Variants in TMEM154 observed in about 807,000 individuals in gnomAD.
TMEM154 encodes transmembrane protein 154.
A neutral mutation model predicts 24.5 loss-of-function variants in TMEM154; 27 were observed. The ratio of observed to expected loss-of-function variants is 1.10; its 90% CI spans 0.81 to 1.52. TMEM154 has a LOEUF of 1.52. Among genes scored for constraint, TMEM154 ranks in the 40% most tolerant of loss-of-function variants. The pLI, the probability that TMEM154 is intolerant of heterozygous loss-of-function variation, is 0.00. For missense variants in TMEM154, 228 were observed against 213.4 expected (o/e 1.07, Z -0.43); for synonymous variants, 67 against 76.8 (o/e 0.87, Z 0.67).
intron 4 of TMEM154, 44 bp from the exon 5 acceptor site, chr4:152,643,217 G>A (rs1433376064): frequency 5.1e-6 from 7 of 1,383,396 alleles, no homozygotes; most frequent in Middle Eastern, 1.8e-4. Context: ...AAATGTGAAA[G>A]ATGCCTAATT....
In TMEM154 at chr4:152,643,814, A is replaced by G. The variant is rs193017054; in HGVS notation, c.392+601T>C. 2.8e-3 allele frequency among the ~76,000 whole-genome samples: 433 copies of G among 152,276 alleles called. 2 individuals are homozygous for G. Among genetic ancestry groups the G allele is most frequent in the African/African-American group, 0.01 (417 of 41,558 alleles). ...CGGTACACTGCGTAGAGGAAGCGAT[A>G]AAGTTTCTAAACCAGGAGGCTGCTT... On this transcript the variant is annotated intron_variant, in intron 4 of 6. Transcript: ENST00000304385.
At chr4:152,635,205 C>T (rs547948297) in intron 6 of TMEM154, among the ~76,000 whole-genome samples, 134 of 152,338 alleles carry the variant, frequency 8.8e-4, no homozygotes, top group Non-Finnish European at 1.7e-3. Flanking sequence ...GTGACAGACA[C>T]ACCATTCACC....
At chr4:152,661,284 T>TTCTCTCTCTTTCTCTC (rs1728596462) in intron 1 of TMEM154, among the ~76,000 whole-genome samples, 1 of 63,410 alleles carries the variant, frequency 1.6e-5, no homozygotes, top group African/African-American at 6.0e-5. Flanking sequence ...ATTGTTCTCT[T>TTCTCTCTCTTTCTCTC]TCTCTCTCTC....
chr4:152,645,546 T>C (rs1752345338), intron 3 of TMEM154, among the ~76,000 whole-genome samples: 1 of 152,192 alleles, frequency 6.6e-6, no homozygotes. Flanking sequence ...GTGGATAGCA[T>C]AGGCCTGCTG....
At chr4:152,635,866 TTCTTTCCCTAA>T (rs889170413) in intron 6 of TMEM154, among the ~76,000 whole-genome samples, 7 of 152,232 alleles carry the variant, frequency 4.6e-5, no homozygotes, top group Non-Finnish European at 7.3e-5. Context: ...CCACATCTAA[TTCTTTCCCTAA>T]TCTTTCCCTA....
At chr4:152,677,136 T>C (rs2068185) in intron 1 of TMEM154, among the ~76,000 whole-genome samples, 16,547 of 152,206 alleles carry the variant, frequency 0.11, 1,200 homozygotes, top group African/African-American at 0.2. Context: ...CCTTTAACTA[T>C]GCTCACCCAT....
chr4:152,636,822 TG>T (rs1436826342), intron 6 of TMEM154, among the ~76,000 whole-genome samples: 4 of 152,218 alleles, frequency 2.6e-5, no homozygotes, highest in Non-Finnish European at 5.9e-5. Flanking sequence ...TCAAGGAAAG[TG>T]GAACCCTGTA....
intron 6 of TMEM154, among the ~76,000 whole-genome samples, chr4:152,632,389 G>C (rs1241981950): frequency 6.6e-6 from 1 of 152,150 alleles, no homozygotes; most frequent in Admixed American, 6.5e-5. Flanking sequence ...TTTAATTGTT[G>C]ATCAAGCATG....
Position 152,679,934 on chromosome 4 carries a change from G to C in TMEM154, c.-1C>G. 6.2e-7 allele frequency: 1 copy of C among 1,608,672 alleles called. No homozygotes were observed. The highest frequency in any genetic ancestry group is 2.2e-5 in the East Asian group (1 of 44,668). On this transcript the variant is annotated 5_prime_UTR_variant, in exon 1 of 7. Transcript: ENST00000304385. ...CTAGGGCTGCGCGGGGAGCCTGCAT[G>C]TCCGCTCGCCTCGGCAGAGGCGCGC...
intron 4 of TMEM154, 78 bp downstream of exon 4, chr4:152,644,337 C>T: frequency 6.5e-7 from 1 of 1,527,492 alleles, no homozygotes; most frequent in Non-Finnish European, 9.1e-7. Flanking sequence ...AGAACAAAAA[C>T]ACCTGAAAAG....
chr4:152,644,862 CTG>C (rs1390858305), intron 3 of TMEM154, among the ~76,000 whole-genome samples: 1 of 152,238 alleles, frequency 6.6e-6, no homozygotes, highest in Non-Finnish European at 1.5e-5. Flanking sequence ...CACTGTGACA[CTG>C]TGCCTCACTC....
chr4:152,644,468 A>T (rs544729520), intron 3 of TMEM154, 26 bp from the exon 4 acceptor site: 470 of 1,613,736 alleles, frequency 2.9e-4, no homozygotes, highest in Middle Eastern at 5.0e-4. Flanking sequence ...CATAAAGGTC[A>T]TGTTAGCTTT....
intron 6 of TMEM154, among the ~76,000 whole-genome samples, chr4:152,636,741 A>C (rs1305351855): frequency 6.6e-6 from 1 of 152,226 alleles, no homozygotes; most frequent in Non-Finnish European, 1.5e-5. Flanking sequence ...TTTTCCCAGA[A>C]GCATGGTGGT....
At position 152,623,194 on chromosome 4, in the gene TMEM154, G is replaced by T. The variant is rs1751868244; in HGVS notation, c.*5352C>A. 6.6e-6 allele frequency: 1 copy of T among 152,036 alleles called. No individual in the cohort carries two copies. The highest frequency in any genetic ancestry group is 2.4e-5 in the African/African-American group (1 of 41,390). The allele number at this position is 152,036 out of a possible 1,614,324, so 9.4% of individuals were successfully genotyped here. A position where few individuals can be genotyped will look rare whatever the true frequency, so the allele number is the denominator to read the frequency against. On this transcript the variant is annotated 3_prime_UTR_variant, in exon 7 of 7. Transcript: ENST00000304385. ...ATGCTGCTGGGACAAAAGCTAAGTG[G>T]CAAATATGACATCAGATGATCTAAC...
At chr4:152,640,440 C>A (rs1483488303) in intron 6 of TMEM154, among the ~76,000 whole-genome samples, 2 of 152,158 alleles carry the variant, frequency 1.3e-5, no homozygotes, top group African/African-American at 4.8e-5. Context: ...AAACTATACA[C>A]CCAAACCCCA....
rs1751860168 is a variant in TMEM154, at chr4:152,622,613, T to C, written c.*5933A>G. ...ATCTATCACTGCCAAATGAGCAATT[T>C]AGCACACAAACATGTACTTATTTTA... is the stretch of plus-strand genomic sequence containing the variant. On this transcript the variant is annotated 3_prime_UTR_variant, in exon 7 of 7. Coordinates refer to ENST00000304385, the MANE Select transcript of TMEM154 (RefSeq NM_152680.3). 6.6e-6 allele frequency: 1 copy of C among 152,166 alleles called. No individual in the cohort carries two copies. The highest frequency in any genetic ancestry group is 6.5e-5 in the Admixed American group (1 of 15,274). 9.4% of individuals were successfully genotyped at this position (152,166 alleles called of 1,614,324 possible). A position where few individuals can be genotyped will look rare whatever the true frequency, so the allele number is the denominator to read the frequency against.
Position 152,644,421 on chromosome 4 carries a change from A to T in TMEM154, c.386T>A (p.Val129Glu), listed in dbSNP as rs761728172. The T allele has an allele frequency of 6.2e-6, 10 of 1,614,058 alleles. No homozygotes were observed. The highest frequency in any genetic ancestry group is 1.6e-4 in the Middle Eastern group (1 of 6,084). Residue 129 changes from valine to glutamate, a missense_variant, in exon 4 of 7, where the codon GTG becomes GAG. By Grantham distance (121) the Val-to-Glu change is moderately radical (BLOSUM62 -2). Coordinates refer to ENST00000304385, the MANE Select transcript of TMEM154 (RefSeq NM_152680.3). ...LQTYELGSENVKVPIFEEDTP... is the reference protein window; with the variant it reads ...LQTYELGSENEKVPIFEEDTP... ...AGCAGCAGGGAAAACTTACACTTTCACGTTTTCACTTCCCAGTTCATCTAA... is the reference window on the plus strand; with the variant it reads ...AGCAGCAGGGAAAACTTACACTTTCTCGTTTTCACTTCCCAGTTCATCTAA...
At chr4:152,634,229 C>A (rs1332259193) in intron 6 of TMEM154, among the ~76,000 whole-genome samples, 1 of 151,946 alleles carries the variant, frequency 6.6e-6, no homozygotes, top group Non-Finnish European at 1.5e-5. Context: ...TCATAATTGC[C>A]CCTTTGTTGC....
At chr4:152,654,039 CA>C (rs138374483) in intron 1 of TMEM154, among the ~76,000 whole-genome samples, 6 of 145,428 alleles carry the variant, frequency 4.1e-5, no homozygotes, top group Admixed American at 6.8e-5. Context: ...CACTCCATCT[CA>C]AAAAAAAAAG....
Sources: allele counts gnomAD v4.1 joint callset (sites outside exome capture counted in the v4.1 genomes callset), GRCh38; gene constraint gnomAD v4.1.1; transcripts MANE v1.5; gene names NCBI Gene and HGNC (gene_info 2026-07-23, HGNC 2026-07-21).